The following CHMP2B variants were observed in gnomAD, a reference collection of about 807,000 sequenced individuals.
CHMP2B encodes the protein VPS2 homolog B.
In CHMP2B, 22 loss-of-function variants were observed where a neutral mutation model predicts 29.8. The observed-to-expected ratio is 0.74, with a 90% CI of 0.53 to 1.05. CHMP2B has a LOEUF of 1.05. CHMP2B is among the 50% of genes least tolerant of loss of function. The pLI, the probability that CHMP2B is intolerant of heterozygous loss-of-function variation, is 0.00. For synonymous variants in CHMP2B, 78 were observed against 75.8 expected (o/e 1.03, Z -0.15); for missense variants, 261 against 252.2 (o/e 1.03, Z -0.24).
chr3:87,253,570 ATTGTT>A, intron 5 of CHMP2B, 60 bp downstream of exon 5: 2 of 1,399,390 alleles, frequency 1.4e-6, no homozygotes, highest in South Asian at 2.3e-5. Context: ...TTGTCACTTA[ATTGTT>A]TTGTTTTTAC....
At chr3:87,247,650 A>C (rs1030079850) in intron 3 of CHMP2B, among the ~76,000 whole-genome samples, 17 of 152,200 alleles carry the variant, frequency 1.1e-4, no homozygotes, top group Middle Eastern at 3.2e-3. Flanking sequence ...TGAGGTTACA[A>C]ATAAATTTTA....
At chr3:87,239,334 G>A (rs1040026560) in intron 1 of CHMP2B, among the ~76,000 whole-genome samples, 11 of 152,012 alleles carry the variant, frequency 7.2e-5, no homozygotes, top group Admixed American at 5.9e-4. Flanking sequence ...ATTTAAGAAT[G>A]TAATGCCAAA....
intron 3 of CHMP2B, among the ~76,000 whole-genome samples, chr3:87,249,103 A>G (rs187623071): frequency 1.3e-5 from 2 of 152,308 alleles, no homozygotes; most frequent in Admixed American, 1.3e-4. Flanking sequence ...GCTATATGGT[A>G]TAGCCTGTTG....
chr3:87,227,463 C>A lies in CHMP2B; in HGVS notation c.-60C>A. The A allele has an allele frequency of 6.2e-7, 1 of 1,605,558 alleles. No individual in the cohort carries two copies. The highest frequency in any genetic ancestry group is 8.5e-7 in the Non-Finnish European group (1 of 1,172,304). On this transcript the variant is annotated 5_prime_UTR_variant, in exon 1 of 6. Transcript: ENST00000263780. Reference sequence around the variant, plus strand: ...CAAGGTCCTGTCCTTTTCCTCCTGTCCTTTGCCAGCGTTGGGCCGGACCGG... The same window carrying A: ...CAAGGTCCTGTCCTTTTCCTCCTGTACTTTGCCAGCGTTGGGCCGGACCGG...
rs1383509636 is a variant in CHMP2B, at chr3:87,245,766, T to C, written c.179T>C (p.Val60Ala). Reference sequence around the variant, plus strand: ...ATTGGTAATAAGGAAGCTTGCAAAGTTTTAGCCAAACAACTTGTGCATCTA... The same window carrying C: ...ATTGGTAATAAGGAAGCTTGCAAAGCTTTAGCCAAACAACTTGTGCATCTA... ...AKIGNKEACK[V>A]LAKQLVHLRK... is the part of the protein sequence containing the mutation. The change falls in exon 3 of 6, where the codon GTT (valine) becomes GCT (alanine). Residue 60 changes from valine (V) to alanine (A), a missense_variant. Transcript: ENST00000263780. 6.2e-7 allele frequency: 1 copy of C among 1,613,830 alleles called. No individual in the cohort carries two copies. The highest frequency in any genetic ancestry group is 1.7e-5 in the Admixed American group (1 of 59,982).
chr3:87,245,275 G>C (rs1202623577), intron 2 of CHMP2B, among the ~76,000 whole-genome samples: 2 of 152,080 alleles, frequency 1.3e-5, no homozygotes, highest in Admixed American at 6.6e-5. Context: ...CCGACAGTCT[G>C]TCTTACAGTT....
At chr3:87,228,538 C>T (rs1489251448) in intron 1 of CHMP2B, among the ~76,000 whole-genome samples, 2 of 152,178 alleles carry the variant, frequency 1.3e-5, no homozygotes, top group African/African-American at 4.8e-5. Flanking sequence ...TCAGTCCAGA[C>T]CTGGACGTAA....
At chr3:87,234,942 C>T (rs77806479) in intron 1 of CHMP2B, among the ~76,000 whole-genome samples, 4,102 of 152,138 alleles carry the variant, frequency 0.027, 79 homozygotes, top group African/African-American at 0.042. Context: ...TCATATTTTA[C>T]TATTGTTAAA....
Position 87,245,731 on chromosome 3 carries a change from A to G in CHMP2B, c.144A>G (p.Lys48=), listed in dbSNP as rs754127865. Residue 48 remains lysine, a synonymous_variant, in exon 3 of 6, where the codon AAA becomes AAG. Coordinates refer to ENST00000263780, the MANE Select transcript of CHMP2B (RefSeq NM_014043.4). ...QEKQLELEIK[K]MAKIGNKEAC... The stretch of plus-strand genomic sequence containing the variant: ...TCTCTTAGGAATTAGAAATTAAGAA[A>G]ATGGCCAAGATTGGTAATAAGGAAG... The G allele has an allele frequency of 1.2e-6, 2 of 1,613,420 alleles. No individual in the cohort carries two copies. Among genetic ancestry groups the G allele is most frequent in the Non-Finnish European group, 1.7e-6 (2 of 1,179,688 alleles).
At chr3:87,251,001 T>C (rs1387942640) in intron 4 of CHMP2B, among the ~76,000 whole-genome samples, 1 of 151,892 alleles carries the variant, frequency 6.6e-6, no homozygotes, top group Non-Finnish European at 1.5e-5. Context: ...TTTACAACTA[T>C]AAAAAATGAA....
intron 3 of CHMP2B, among the ~76,000 whole-genome samples, chr3:87,249,338 A>G (rs56137960): frequency 0.23 from 35,683 of 152,114 alleles, 5,219 homozygotes; most frequent in South Asian, 0.36. Flanking sequence ...GAATCTCTTA[A>G]TGAAATGAGT....
intron 1 of CHMP2B, among the ~76,000 whole-genome samples, chr3:87,234,039 A>G (rs577278983): frequency 6.6e-6 from 1 of 152,092 alleles, no homozygotes; most frequent in Non-Finnish European, 1.5e-5. Context: ...CTGCCTTGCA[A>G]ACTTGAGATA....
At chr3:87,227,613 A>G in intron 1 of CHMP2B, 57 bp downstream of exon 1, 1 of 1,606,430 alleles carries the variant, frequency 6.2e-7, no homozygotes. Flanking sequence ...GCGTCTTTCG[A>G]GGCCTGCTGG....
chr3:87,248,570 T>C (rs994734698), intron 3 of CHMP2B, among the ~76,000 whole-genome samples: 3 of 151,972 alleles, frequency 2.0e-5, no homozygotes, highest in Non-Finnish European at 2.9e-5. Flanking sequence ...TTGGCTAGGC[T>C]AGTCTCAAAC....
In CHMP2B at chr3:87,242,403, C is replaced by G. The variant is rs1160605591; in HGVS notation, c.126+1613C>G. Among the ~76,000 whole-genome samples, 5 of 152,132 alleles carry G rather than the reference C, an allele frequency of 3.3e-5. No homozygotes were observed. The East Asian group carries it at 7.7e-4, about 23-fold the overall frequency. On this transcript the variant is annotated intron_variant, in intron 2 of 5. Coordinates refer to ENST00000263780, the MANE Select transcript of CHMP2B (RefSeq NM_014043.4). ...ATAGTGTTTTCTAAGTCTTCTGTAT[C>G]ATTGCAGATCTTCTGTCTACTTGTC...
intron 2 of CHMP2B, 104 bp from the exon 3 acceptor site, chr3:87,245,610 G>T: frequency 1.1e-6 from 1 of 932,258 alleles, no homozygotes; most frequent in Non-Finnish European, 1.6e-6. Flanking sequence ...TTCATGATCG[G>T]GGACAAAGGG....
At chr3:87,248,305 AAGAG>A (rs1053091125) in intron 3 of CHMP2B, among the ~76,000 whole-genome samples, 8 of 151,516 alleles carry the variant, frequency 5.3e-5, no homozygotes, top group East Asian at 2.0e-4. Context: ...CTCAAAAAAA[AAGAG>A]AGAGAGAGAA....
chr3:87,229,279 A>T (rs1559604294), intron 1 of CHMP2B, among the ~76,000 whole-genome samples: 1 of 152,198 alleles, frequency 6.6e-6, no homozygotes, highest in Non-Finnish European at 1.5e-5. Context: ...ACTCATTTGC[A>T]GTTAATTCTT....
chr3:87,243,923 AT>A (rs958038482), intron 2 of CHMP2B, among the ~76,000 whole-genome samples: 8 of 149,488 alleles, frequency 5.4e-5, no homozygotes, highest in Non-Finnish European at 1.0e-4. Context: ...TGGTTTATCA[AT>A]TTGATTGATC....
Sources: allele counts gnomAD v4.1 joint callset (sites outside exome capture counted in the v4.1 genomes callset), GRCh38; gene constraint gnomAD v4.1.1; transcripts MANE v1.5; gene names NCBI Gene and HGNC (gene_info 2026-07-23, HGNC 2026-07-21).